AMER1: variants seen among roughly 807,000 people sequenced by gnomAD.
AMER1 encodes RP11-403E24.2.
In AMER1, 16 loss-of-function variants were observed where a neutral mutation model predicts 53.0. That is an observed-to-expected ratio of 0.30 (90% CI 0.20 to 0.46). The LOEUF is 0.46. Among genes scored for constraint, AMER1 ranks in the 20% least tolerant of loss-of-function variants. The pLI, the probability that AMER1 is intolerant of heterozygous loss-of-function variation, is 1.00. For synonymous variants in AMER1, 354 were observed against 331.9 expected, an observed-to-expected ratio of 1.07 and a Z score of -0.73; for missense variants, 947 against 884.9, an observed-to-expected ratio of 1.07 and a Z score of -0.89.
At position 64,189,949 on chromosome X, in the gene AMER1, C is replaced by A. The variant is rs1930204930; in HGVS notation, c.3338G>T (p.Arg1113Met). 1.7e-6 allele frequency: 2 copies of A among 1,204,152 alleles called. No homozygotes were observed. Among genetic ancestry groups the A allele is most frequent in the African/African-American group, 3.5e-5 (2 of 56,713 alleles). Residue 1113 changes from arginine to methionine, a missense_variant, in exon 2 of 2, where the codon AGG (arginine) becomes ATG (methionine). Coordinates refer to ENST00000374869, the MANE Select transcript of AMER1 (RefSeq NM_152424.4). ...GGCAAGAGAGGCACCTTGCTCAGCC[C>A]TCTCCTTTGACAGGTCAAGGCTGGA... ...GPSSLDLSKE[R>M]AEQGASLATS...
Position 64,189,793 on chromosome X carries a change from A to AGGGGGGGGGCCCC in AMER1, c.*85_*86insGGGGCCCCCCCCC. On this transcript the variant is annotated 3_prime_UTR_variant, in exon 2 of 2. Coordinates refer to ENST00000374869, the MANE Select transcript of AMER1 (RefSeq NM_152424.4). ...CAAAGGGTTTTCAAGTTAAACAACA[A>AGGGGGGGGGCCCC]CCCCCACCCCCCCACCCTTCTGCCC... The AGGGGGGGGGCCCC allele has an allele frequency of 3.4e-6, 1 of 292,073 alleles. No homozygotes were observed. Among genetic ancestry groups the AGGGGGGGGGCCCC allele is most frequent in the Non-Finnish European group, 4.9e-6 (1 of 204,831 alleles). 24.1% of individuals were successfully genotyped at this position (292,073 alleles called of 1,213,427 possible).
In AMER1 at chrX:64,189,793, A is replaced by ACCGGGGCCCCCCCCCCCC; in HGVS notation, c.*85_*86insGGGGGGGGGGGGCCCCGG. 3.4e-6 allele frequency: 1 copy of ACCGGGGCCCCCCCCCCCC among 292,070 alleles called. No homozygotes were observed. Among genetic ancestry groups the ACCGGGGCCCCCCCCCCCC allele is most frequent in the Non-Finnish European group, 4.9e-6 (1 of 204,828 alleles). 24.1% of individuals were successfully genotyped at this position (292,070 alleles called of 1,213,427 possible). A position where few individuals can be genotyped will look rare whatever the true frequency, so the allele number is the denominator to read the frequency against. ...CAAAGGGTTTTCAAGTTAAACAACA[A>ACCGGGGCCCCCCCCCCCC]CCCCCACCCCCCCACCCTTCTGCCC... On this transcript the variant is annotated 3_prime_UTR_variant, in exon 2 of 2. Coordinates refer to ENST00000374869, the MANE Select transcript of AMER1 (RefSeq NM_152424.4).
At chrX:64,193,476 G>A in intron 1 of AMER1, 92 bp from the exon 2 acceptor site, 1 of 570,780 alleles carries the variant, frequency 1.8e-6, no homozygotes, top group South Asian at 2.9e-5. Context: ...TCAGGCTTGA[G>A]TGGAACAAGA....
rs1261958733 is a variant in AMER1 at position 64,189,978 on chromosome X, C to A, written c.3309G>T (p.Gly1103=). Residue 1103 remains glycine, a synonymous_variant, in exon 2 of 2, where the codon GGG becomes GGT. Coordinates refer to ENST00000374869, the MANE Select transcript of AMER1 (RefSeq NM_152424.4). ...EHPQPQPTHY[G]PSSLDLSKER... ...CCTTTGACAGGTCAAGGCTGGAAGGCCCATAGTGAGTGGGCTGAGGCTGGG... is the reference window on the plus strand; with the variant it reads ...CCTTTGACAGGTCAAGGCTGGAAGGACCATAGTGAGTGGGCTGAGGCTGGG... 8.3e-7 allele frequency: 1 copy of A among 1,207,407 alleles called. No individual in the cohort carries two copies. The highest frequency in any genetic ancestry group is 3.0e-5 in the East Asian group (1 of 33,675).
In AMER1 at chrX:64,191,636, G is replaced by C. The variant is rs143103708; in HGVS notation, c.1651C>G (p.Pro551Ala). The C allele has an allele frequency of 8.2e-6, 10 of 1,212,314 alleles. No individual in the cohort carries two copies. Among genetic ancestry groups the C allele is most frequent in the African/African-American group, 1.7e-5 (1 of 57,954 alleles). Reference sequence around the variant, plus strand: ...TCTTCCTCTGTCTCCATTGCCCCAGGTGGCCGGGAGGACAAAAAGGGCTCA... The same window carrying C: ...TCTTCCTCTGTCTCCATTGCCCCAGCTGGCCGGGAGGACAAAAAGGGCTCA... ...NFEPFLSSRP[P>A]GAMETEEERL... is the part of the protein sequence containing the mutation. Residue 551 changes from proline (P) to alanine (A), a missense_variant, in exon 2 of 2, where the codon CCT becomes GCT. Pro to Ala is a conservative substitution (Grantham distance 27). Transcript: ENST00000374869.
chrX:64,186,271 G>A lies in AMER1; in HGVS notation c.*3608C>T. 2.7e-6 allele frequency: 3 copies of A among 1,097,732 alleles called. No individual in the cohort carries two copies. The highest frequency in any genetic ancestry group is 3.6e-6 in the Non-Finnish European group (3 of 833,354). 90.5% of individuals were successfully genotyped at this position (1,097,732 alleles called of 1,213,427 possible). On this transcript the variant is annotated 3_prime_UTR_variant, in exon 2 of 2. Transcript: ENST00000374869. ...AGGGCCCTAGGCAGTTGAGATGCCAGCCCTCTGCACAAGCAGCAGCAATTT... is the reference window on the plus strand; with the variant it reads ...AGGGCCCTAGGCAGTTGAGATGCCAACCCTCTGCACAAGCAGCAGCAATTT...
Position 64,186,932 on chromosome X carries a change from T to C in AMER1, c.*2947A>G. 1 of 774,718 alleles carries C rather than the reference T, an allele frequency of 1.3e-6. No individual in the cohort carries two copies. Among genetic ancestry groups the C allele is most frequent in the Non-Finnish European group, 1.5e-6 (1 of 651,034 alleles). The allele number at this position is 774,718 out of a possible 1,213,427, so 63.8% of individuals were successfully genotyped here. On this transcript the variant is annotated 3_prime_UTR_variant, in exon 2 of 2. Transcript: ENST00000374869. The stretch of plus-strand genomic sequence containing the variant: ...GTCTGGCACTAGGCCTATTGGGTAA[T>C]AAGATGAAGGCAGCTACTTCCACTA...
In AMER1 at chrX:64,187,128, A is replaced by G. The variant is rs1930126336; in HGVS notation, c.*2751T>C. The stretch of plus-strand genomic sequence containing the variant: ...AGCCAGCACTAGTCTGTGTTTGGAA[A>G]CAGGCCTGAAGCTTGGCTGGCTCTC... On this transcript the variant is annotated 3_prime_UTR_variant, in exon 2 of 2. Transcript: ENST00000374869. 1 of 784,637 alleles carries G rather than the reference A, an allele frequency of 1.3e-6. No homozygotes were observed. Among genetic ancestry groups the G allele is most frequent in the African/African-American group, 2.2e-5 (1 of 44,446 alleles). 64.7% of individuals were successfully genotyped at this position (784,637 alleles called of 1,213,427 possible).
In AMER1 at chrX:64,192,421, G is replaced by A. The variant is rs1005392946; in HGVS notation, c.866C>T (p.Thr289Ile). ...CTCTCCTGCTACTACCTTCTCCCCT[G>A]TTTCTGGGCTATGGGGCTCCTCTAG... ...SSLEEPHSPE[T>I]GEKVVAGEVN... The change falls in exon 2 of 2, where the codon ACA becomes ATA. Residue 289 changes from threonine (T) to isoleucine (I), a missense_variant. By Grantham distance (89) the Thr-to-Ile change is moderately conservative. Coordinates refer to ENST00000374869, the MANE Select transcript of AMER1 (RefSeq NM_152424.4). 2.0e-5 allele frequency: 24 copies of A among 1,209,568 alleles called. No individual in the cohort carries two copies. Among genetic ancestry groups the A allele is most frequent in the Non-Finnish European group, 2.5e-5 (22 of 894,695 alleles).
intron 1 of AMER1, among the ~76,000 whole-genome samples, chrX:64,196,254 C>T (rs1339106661): frequency 2.7e-5 from 3 of 111,798 alleles, no homozygotes. Flanking sequence ...TGCCAAGGGA[C>T]CCTGAATGGG....
At chrX:64,199,030 G>T (rs1930434083) in intron 1 of AMER1, among the ~76,000 whole-genome samples, 1 of 112,425 alleles carries the variant, frequency 8.9e-6, no homozygotes, top group South Asian at 3.6e-4. Flanking sequence ...GGGCTGCTTG[G>T]CTTGGTTGGC....
At position 64,189,389 on chromosome X, in the gene AMER1, G is replaced by A; in HGVS notation, c.*490C>T. ...CTAATCAGTGGTTCATCATTCATTG[G>A]GGGAAAGGGGCAGGGGGCACTAAAG... is the stretch of plus-strand genomic sequence containing the variant. On this transcript the variant is annotated 3_prime_UTR_variant, in exon 2 of 2. Transcript: ENST00000374869. The A allele has an allele frequency of 1.3e-6, 1 of 782,443 alleles. No individual in the cohort carries two copies. Among genetic ancestry groups the A allele is most frequent in the South Asian group, 6.7e-5 (1 of 14,875 alleles). The allele number at this position is 782,443 out of a possible 1,213,427, so 64.5% of individuals were successfully genotyped here. A position where few individuals can be genotyped will look rare whatever the true frequency, so the allele number is the denominator to read the frequency against.
In AMER1 at chrX:64,191,236, G is replaced by A. The variant is rs2147086901; in HGVS notation, c.2051C>T (p.Ala684Val). The change falls in exon 2 of 2, where the codon GCT becomes GTT. Residue 684 changes from alanine (A) to valine (V), a missense_variant. By Grantham distance (64) the Ala-to-Val change is moderately conservative (BLOSUM62 0). Transcript: ENST00000374869. Reference protein sequence around the residue: ...SQISHRGITSAFPTTASSEPD... With the variant: ...SQISHRGITSVFPTTASSEPD... ...CTCGCTGCTTGCAGTGGTGGGGAAA[G>A]CTGAGGTAATTCCCCGGTGGGAAAT... 4 of 1,211,980 alleles carry A rather than the reference G, an allele frequency of 3.3e-6. No individual in the cohort carries two copies. The highest frequency in any genetic ancestry group is 4.5e-6 in the Non-Finnish European group (4 of 895,554).
At chrX:64,193,602 C>T (rs1199897648) in intron 1 of AMER1, among the ~76,000 whole-genome samples, 1 of 112,367 alleles carries the variant, frequency 8.9e-6, no homozygotes, top group Non-Finnish European at 1.9e-5. Flanking sequence ...AACAAGAAGC[C>T]TTCATCCCCT....
At chrX:64,194,096 G>A (rs1208158994) in intron 1 of AMER1, among the ~76,000 whole-genome samples, 3 of 111,805 alleles carry the variant, frequency 2.7e-5, no homozygotes, top group Admixed American at 9.5e-5. Flanking sequence ...TTCAATATTC[G>A]CCATTCAAGA....
chrX:64,187,103 A>T lies in AMER1; in HGVS notation c.*2776T>A. Reference sequence around the variant, plus strand: ...TCTGGGGTGTATTTGCTGCCACCCAAGCCAGCACTAGTCTGTGTTTGGAAA... The same window carrying T: ...TCTGGGGTGTATTTGCTGCCACCCATGCCAGCACTAGTCTGTGTTTGGAAA... On this transcript the variant is annotated 3_prime_UTR_variant, in exon 2 of 2. Transcript: ENST00000374869. 1.3e-6 allele frequency: 1 copy of T among 785,213 alleles called. No homozygotes were observed. The highest frequency in any genetic ancestry group is 6.8e-4 in the Middle Eastern group (1 of 1,478). 64.7% of individuals were successfully genotyped at this position (785,213 alleles called of 1,213,427 possible). A position where few individuals can be genotyped will look rare whatever the true frequency, so the allele number is the denominator to read the frequency against.
rs769686123 is a variant in AMER1, at chrX:64,191,266, G to C, written c.2021C>G (p.Ser674Cys). 5 of 1,209,879 alleles carry C rather than the reference G, an allele frequency of 4.1e-6. No homozygotes were observed. Among genetic ancestry groups the C allele is most frequent in the Admixed American group, 4.4e-5 (2 of 45,823 alleles). The change falls in exon 2 of 2, where the codon TCT becomes TGT. Residue 674 changes from serine to cysteine, a missense_variant. Ser to Cys is a moderately radical substitution (Grantham distance 112, BLOSUM62 -1). Transcript: ENST00000374869. ...GGTAATTCCCCGGTGGGAAATCTGA[G>C]AGGTCCCTGATACCCCTGCTGCCAG... Reference protein sequence around the residue: ...MGLAAGVSGTSQISHRGITSA... With the variant: ...MGLAAGVSGTCQISHRGITSA...
rs1000388210 is a variant in AMER1, at chrX:64,191,700, A to G, written c.1587T>C (p.His529=). 8.3e-7 allele frequency: 1 copy of G among 1,212,038 alleles called. No individual in the cohort carries two copies. ...PPGDDCLYDL[H]GRSSEMFDPF... ...GGTCAAACATCTCAGAGCTTCGACC[A>G]TGGAGGTCATAAAGGCAGTCATCTC... is the stretch of plus-strand genomic sequence containing the variant. Residue 529 remains histidine, a synonymous_variant, in exon 2 of 2, where the codon CAT becomes CAC. Coordinates refer to ENST00000374869, the MANE Select transcript of AMER1 (RefSeq NM_152424.4).
chrX:64,196,799 G>A (rs773133264), intron 1 of AMER1, among the ~76,000 whole-genome samples: 26 of 111,529 alleles, frequency 2.3e-4, no homozygotes, highest in African/African-American at 8.1e-4. Context: ...GGTACTCTGT[G>A]TTCTCTCTCC....
Sources: allele counts gnomAD v4.1 joint callset (sites outside exome capture counted in the v4.1 genomes callset), GRCh38; gene constraint gnomAD v4.1.1; transcripts MANE v1.5; gene names NCBI Gene and HGNC (gene_info 2026-07-23, HGNC 2026-07-21).